Variants in SMG6 observed in about 807,000 individuals in gnomAD.
The protein encoded by SMG6 is SMG6 nonsense mediated mRNA decay factor.
In SMG6, 66 loss-of-function variants were observed where a neutral mutation model predicts 142.2. That is an observed-to-expected ratio of 0.46 (90% confidence interval 0.38 to 0.57). SMG6 has a LOEUF of 0.57. Among genes scored for constraint, SMG6 ranks in the 20% least tolerant of loss-of-function variants. The probability of loss-of-function intolerance (pLI) is 0.00; values close to 1 mark genes in which losing one functional copy is unlikely to be tolerated. For synonymous variants in SMG6, 779 were observed against 702.4 expected, an observed-to-expected ratio of 1.11 and a Z score of -1.72; for missense variants, 1,793 against 1,832.0, an observed-to-expected ratio of 0.98 and a Z score of 0.39.
Position 2,299,666 on chromosome 17 carries a change from ACT to A in SMG6, c.1085_1086del (p.Glu362ValfsTer10). The A allele has an allele frequency of 6.2e-7, 1 of 1,613,678 alleles. No homozygotes were observed. Among genetic ancestry groups the A allele is most frequent in the Non-Finnish European group, 8.5e-7 (1 of 1,179,972 alleles). On this transcript the variant is annotated frameshift_variant, in exon 2 of 19. Coordinates refer to ENST00000263073, the MANE Select transcript of SMG6 (RefSeq NM_017575.5). LOFTEE classifies it high-confidence loss of function. The surrounding 1 kb of genome is among the most constrained non-coding windows in gnomAD (Gnocchi z 4.3). ...TCCCTGGCTGACCTCACCATGGGAGACTCTTTGTTCATGGCTTCTGCATCGAA... is the reference window on the plus strand; with the variant it reads ...TCCCTGGCTGACCTCACCATGGGAGACTTTGTTCATGGCTTCTGCATCGAA... The part of the protein sequence containing the change: ...VTFDAEAMNK[E>X]SPMVRSARDD...
intron 12 of SMG6, among the ~76,000 whole-genome samples, chr17:2,179,128 T>C (rs1179548621): frequency 6.6e-6 from 1 of 152,104 alleles, no homozygotes; most frequent in East Asian, 1.9e-4. Context: ...AGGAACCCCC[T>C]GGTGCCAGGC....
intron 13 of SMG6, chr17:2,127,648 T>TA: frequency 3.5e-6 from 2 of 569,718 alleles, no homozygotes; most frequent in Middle Eastern, 5.1e-4. Context: ...ATTCAACGAA[T>TA]ACAATTCTTT....
chr17:2,226,051 G>A (rs1297704339), intron 10 of SMG6, among the ~76,000 whole-genome samples: 3 of 152,142 alleles, frequency 2.0e-5, no homozygotes, highest in East Asian at 3.9e-4. Context: ...TGAGGCAGGC[G>A]GATCGCCTGA....
At chr17:2,275,864 A>G (rs113054559) in intron 8 of SMG6, among the ~76,000 whole-genome samples, 11 of 152,254 alleles carry the variant, frequency 7.2e-5, no homozygotes, top group African/African-American at 2.4e-4. Flanking sequence ...TGTTCAACCC[A>G]AACCACATCT....
At chr17:2,088,895 G>C (rs756480645) in intron 13 of SMG6, 3 of 944,350 alleles carry the variant, frequency 3.2e-6, no homozygotes, top group Non-Finnish European at 3.8e-6. Context: ...CTGGAGTTCT[G>C]TAGGAGACTT....
At chr17:2,259,621 C>T (rs1329867972) in intron 8 of SMG6, among the ~76,000 whole-genome samples, 1 of 144,412 alleles carries the variant, frequency 6.9e-6, no homozygotes, top group Non-Finnish European at 1.5e-5. Context: ...TGCAGTGAGC[C>T]GAGATCGTGC....
At chr17:2,183,475 A>G (rs1208019479) in intron 12 of SMG6, among the ~76,000 whole-genome samples, 1 of 152,130 alleles carries the variant, frequency 6.6e-6, no homozygotes, top group Non-Finnish European at 1.5e-5. Context: ...GTAATGAGCT[A>G]AACTGCAAAT....
At chr17:2,150,072 T>C (rs950143953) in intron 13 of SMG6, among the ~76,000 whole-genome samples, 9 of 152,164 alleles carry the variant, frequency 5.9e-5, no homozygotes, top group African/African-American at 2.2e-4. Context: ...GTCCATGGCT[T>C]GTTAGGAACT....
At position 2,303,686 on chromosome 17, in the gene SMG6, G is replaced by A; in HGVS notation, c.35C>T (p.Ala12Val). 1 of 1,496,400 alleles carries A rather than the reference G, an allele frequency of 6.7e-7. No homozygotes were observed. The highest frequency in any genetic ancestry group is 2.9e-5 in the East Asian group (1 of 34,874). 92.7% of individuals were successfully genotyped at this position (1,496,400 alleles called of 1,614,324 possible). A position where few individuals can be genotyped will look rare whatever the true frequency, so the allele number is the denominator to read the frequency against. Reference protein sequence around the residue: ...AEGLERVRISASELRGILATL... With the variant: ...AEGLERVRISVSELRGILATL... ...AGCCAGGATCCCGCGCAGCTCCGAC[G>A]CGGAGATCCGCACACGCTCCAGCCC... The change falls in exon 1 of 19, where the codon GCG becomes GTG. Residue 12 changes from alanine to valine, a missense_variant. Ala to Val is a moderately conservative substitution (Grantham distance 64). Transcript: ENST00000263073.
chr17:2,202,839 G>A (rs537034460), intron 10 of SMG6, among the ~76,000 whole-genome samples: 1 of 152,300 alleles, frequency 6.6e-6, no homozygotes, highest in African/African-American at 2.4e-5. Flanking sequence ...CTGGCAAGTG[G>A]CTGAGTAGAG....
chr17:2,269,444 A>G (rs1037165700), intron 8 of SMG6, among the ~76,000 whole-genome samples: 5 of 125,916 alleles, frequency 4.0e-5, no homozygotes, highest in East Asian at 2.6e-4. Context: ...CTTTCAAAAC[A>G]AAAAACTATA....
intron 13 of SMG6, chr17:2,101,329 T>C (rs572587584): frequency 6.6e-5 from 10 of 152,330 alleles, no homozygotes; most frequent in Admixed American, 1.3e-4. Flanking sequence ...CTTGAACTCC[T>C]GGTCTCAAGC....
rs758615409 is a variant in SMG6 at position 2,186,665 on chromosome 17, C to A, written c.3153G>T (p.Ser1051=). The A allele has an allele frequency of 3.7e-6, 6 of 1,613,962 alleles. No individual in the cohort carries two copies. The highest frequency in any genetic ancestry group is 2.2e-5 in the East Asian group (1 of 44,892). Residue 1051 remains serine, a splice_region_variant and synonymous_variant, in exon 12 of 19, where the codon TCG becomes TCT. Transcript: ENST00000263073. ...AAGCAATGGGCAGGTCAACTCACTG[C>A]GAGGGCAGATCCAGGGATGTGGGAG... is the stretch of plus-strand genomic sequence containing the variant. ...NPPPTSLDLP[S]HVAVDVWSTL...
At chr17:2,288,876 GA>G (rs1341203123) in intron 6 of SMG6, among the ~76,000 whole-genome samples, 1 of 151,830 alleles carries the variant, frequency 6.6e-6, no homozygotes, top group Non-Finnish European at 1.5e-5. Context: ...TCAGGAGATT[GA>G]GACCATCCTG....
intron 8 of SMG6, among the ~76,000 whole-genome samples, chr17:2,257,631 C>A (rs1363081635): frequency 2.6e-5 from 4 of 152,202 alleles, no homozygotes; most frequent in African/African-American, 9.6e-5. Flanking sequence ...TACTCCACTA[C>A]CTCCTTCTGC....
chr17:2,177,437 T>C (rs774253451), intron 12 of SMG6, among the ~76,000 whole-genome samples: 1 of 152,046 alleles, frequency 6.6e-6, no homozygotes, highest in Non-Finnish European at 1.5e-5. Flanking sequence ...TGACCAAGAC[T>C]CAGTCCATCT....
chr17:2,243,164 C>G (rs1597692607), intron 9 of SMG6, among the ~76,000 whole-genome samples: 1 of 152,120 alleles, frequency 6.6e-6, no homozygotes, highest in East Asian at 1.9e-4. Context: ...CTACTGGTAC[C>G]TTGTCCAATT....
At chr17:2,188,656 G>T in intron 10 of SMG6, 141 bp from the exon 11 acceptor site, 1 of 661,510 alleles carries the variant, frequency 1.5e-6, no homozygotes, top group Non-Finnish European at 2.6e-6. Context: ...AGGCCAAGTA[G>T]AAAATGCATG....
chr17:2,194,759 T>C (rs192604601), intron 10 of SMG6, among the ~76,000 whole-genome samples: 1 of 150,612 alleles, frequency 6.6e-6, no homozygotes, highest in African/African-American at 2.4e-5. Context: ...GATAATGCTG[T>C]TGAGGGGGTA....
Sources: gnomAD v4.1 joint callset for allele counts (sites outside exome capture counted in the v4.1 genomes callset) on GRCh38, gnomAD v4.1.1 for gene constraint, Gnocchi (gnomAD v3.1) non-coding constraint, MANE v1.5 for transcripts, NCBI Gene and HGNC (gene_info 2026-07-23, HGNC 2026-07-21) for gene names.